The following CHD7 variants were observed in gnomAD, a reference collection of about 807,000 sequenced individuals.
The protein encoded by CHD7 is ATP-dependent chromatin remodeler CHD7.
In CHD7, 24 loss-of-function variants were observed where a neutral mutation model predicts 307.3. The observed-to-expected ratio is 0.08, with a 90% CI of 0.06 to 0.11. The LOEUF is 0.11. CHD7 is among the 10% of genes least tolerant of loss of function. The pLI is 1.00. For synonymous variants in CHD7, 1,363 were observed against 1,349.9 expected (o/e 1.01, Z -0.21); for missense variants, 3,106 against 3,727.1 (o/e 0.83, Z 4.34).
Position 60,854,358 on chromosome 8 carries a change from C to T in CHD7, c.6776-5C>T. ...GTGAGTAATGCACATTAACTCATTTCTCAGCAGGAGCTGTCTCTAGAGGGA... is the reference window on the plus strand; with the variant it reads ...GTGAGTAATGCACATTAACTCATTTTTCAGCAGGAGCTGTCTCTAGAGGGA... On this transcript the variant is annotated splice_region_variant and splice_polypyrimidine_tract_variant and intron_variant, in intron 31 of 37. Coordinates refer to ENST00000423902, the MANE Select transcript of CHD7 (RefSeq NM_017780.4). The T allele has an allele frequency of 1.2e-6, 2 of 1,612,690 alleles. No homozygotes were observed. The highest frequency in any genetic ancestry group is 2.7e-5 in the African/African-American group (2 of 75,042).
At chr8:60,835,500 T>C (rs954181705) in intron 15 of CHD7, among the ~76,000 whole-genome samples, 6 of 152,242 alleles carry the variant, frequency 3.9e-5, no homozygotes, top group Admixed American at 1.3e-4. Context: ...ACAATAGTTG[T>C]ATGCTTAGGT....
Position 60,687,678 on chromosome 8 carries a change from T to C in CHD7, c.-175+8596T>C, listed in dbSNP as rs369261155. On this transcript the variant is annotated intron_variant, in intron 1 of 37. Coordinates refer to ENST00000423902, the MANE Select transcript of CHD7 (RefSeq NM_017780.4). ...CATAATGACCGGCTGTTATTTCCAG[T>C]TGGGTAGTTACTCAGCTGAGTGTTG... Among the ~76,000 whole-genome samples, 15 of 152,326 alleles carry C rather than the reference T, an allele frequency of 9.8e-5. No homozygotes were observed. The East Asian group carries it at 2.9e-3, about 29-fold the overall frequency.
intron 1 of CHD7, among the ~76,000 whole-genome samples, chr8:60,680,059 T>G (rs902440093): frequency 1.3e-5 from 2 of 151,116 alleles, no homozygotes; most frequent in East Asian, 4.0e-4. Flanking sequence ...CGGCGGCAGC[T>G]GCATAATAGC....
At chr8:60,827,157 G>A (rs1804287221) in intron 13 of CHD7, among the ~76,000 whole-genome samples, 2 of 151,994 alleles carry the variant, frequency 1.3e-5, no homozygotes, top group South Asian at 4.1e-4. Flanking sequence ...TAGATGACGA[G>A]TTAGTGGGTG....
chr8:60,838,614 C>T (rs1011828961), intron 19 of CHD7, among the ~76,000 whole-genome samples: 2 of 152,244 alleles, frequency 1.3e-5, no homozygotes, highest in African/African-American at 4.8e-5. Flanking sequence ...GATCAAGTCA[C>T]TCCTTTAAAA....
In CHD7 at chr8:60,831,402, G is replaced by A. The variant is rs924237404; in HGVS notation, c.3778+825G>A. Reference sequence around the variant, plus strand: ...GCTGAAGTAACGATACAAGCAAAGAGAGGGGGTCAGGAAAACAATGAGGAA... The same window carrying A: ...GCTGAAGTAACGATACAAGCAAAGAAAGGGGGTCAGGAAAACAATGAGGAA... On this transcript the variant is annotated intron_variant, in intron 15 of 37. Transcript: ENST00000423902. 8.5e-5 allele frequency among the ~76,000 whole-genome samples: 13 copies of A among 152,138 alleles called. No homozygotes were observed. The East Asian group carries it at 2.3e-3, about 27-fold the overall frequency.
chr8:60,771,630 CTGTAG>C (rs1193132378), intron 2 of CHD7, among the ~76,000 whole-genome samples: 1 of 152,070 alleles, frequency 6.6e-6, no homozygotes, highest in East Asian at 1.9e-4. Context: ...CCTCACAAGG[CTGTAG>C]TCAGACGTCA....
chr8:60,785,645 A>T (rs1420248067), intron 3 of CHD7, among the ~76,000 whole-genome samples: 2 of 152,204 alleles, frequency 1.3e-5, no homozygotes, highest in Non-Finnish European at 2.9e-5. Flanking sequence ...TATTTTTATA[A>T]ACTAATACAT....
chr8:60,836,105 G>A lies in CHD7; in HGVS notation c.3811G>A (p.Glu1271Lys). The change falls in exon 16 of 38, where the codon GAA (glutamate) becomes AAA (lysine). Residue 1271 changes from glutamate (E) to lysine (K), a missense_variant. Glu to Lys is a moderately conservative substitution (Grantham distance 56). Coordinates refer to ENST00000423902, the MANE Select transcript of CHD7 (RefSeq NM_017780.4). ...AEEKILEEFK[E>K]THNAESPDFQ... ...AGAGAAAATTTTGGAAGAGTTTAAAGAAACACACAATGCAGAGTCTCCAGA... is the reference window on the plus strand; with the variant it reads ...AGAGAAAATTTTGGAAGAGTTTAAAAAAACACACAATGCAGAGTCTCCAGA... The A allele has an allele frequency of 6.2e-7, 1 of 1,612,742 alleles. No homozygotes were observed. The highest frequency in any genetic ancestry group is 8.5e-7 in the Non-Finnish European group (1 of 1,179,450).
chr8:60,742,514 T>A lies in CHD7; in HGVS notation c.1082T>A (p.Leu361Gln). Residue 361 changes from leucine (L) to glutamine (Q), a missense_variant, in exon 2 of 38, where the codon CTA becomes CAA. Transcript: ENST00000423902. ...VGFPSNSGQGLMHQQPIHPSG... is the reference protein window; with the variant it reads ...VGFPSNSGQGQMHQQPIHPSG... Reference sequence around the variant, plus strand: ...TTCCCATCAAACAGTGGTCAAGGACTAATGCACCAGCAGCCCATCCACCCC... The same window carrying A: ...TTCCCATCAAACAGTGGTCAAGGACAAATGCACCAGCAGCCCATCCACCCC... 1 of 1,614,032 alleles carries A rather than the reference T, an allele frequency of 6.2e-7. No individual in the cohort carries two copies. The highest frequency in any genetic ancestry group is 1.1e-5 in the South Asian group (1 of 91,084).
At chr8:60,749,887 G>A (rs1809544177) in intron 2 of CHD7, among the ~76,000 whole-genome samples, 1 of 152,188 alleles carries the variant, frequency 6.6e-6, no homozygotes, top group African/African-American at 2.4e-5. Flanking sequence ...GACTCTTAAA[G>A]TATTTCTTTT....
At chr8:60,691,912 A>T (rs1396447261) in intron 1 of CHD7, among the ~76,000 whole-genome samples, 2 of 152,136 alleles carry the variant, frequency 1.3e-5, no homozygotes, top group Non-Finnish European at 2.9e-5. Context: ...TTAGAATTAG[A>T]CAGTCGCTTA....
chr8:60,756,877 C>T (rs530910160), intron 2 of CHD7, among the ~76,000 whole-genome samples: 1 of 152,226 alleles, frequency 6.6e-6, no homozygotes, highest in South Asian at 2.1e-4. Flanking sequence ...ATATTAAATG[C>T]CATTGAAGTG....
chr8:60,830,643 C>G (rs1003021306), intron 15 of CHD7, 66 bp downstream of exon 15: 8 of 1,555,354 alleles, frequency 5.1e-6, no homozygotes, highest in Non-Finnish European at 6.1e-6. Flanking sequence ...CCTTTCTGCC[C>G]CCAGACTGGG....
At chr8:60,798,118 C>CA (rs1742725805) in intron 4 of CHD7, among the ~76,000 whole-genome samples, 1 of 152,202 alleles carries the variant, frequency 6.6e-6, no homozygotes, top group Non-Finnish European at 1.5e-5. Context: ...CAAGTTCAAA[C>CA]AAGAGCACTT....
chr8:60,760,188 C>A (rs578153096), intron 2 of CHD7, among the ~76,000 whole-genome samples: 2 of 152,188 alleles, frequency 1.3e-5, no homozygotes. Context: ...TAAGATGGTC[C>A]TAGGAGTTGG....
intron 1 of CHD7, among the ~76,000 whole-genome samples, chr8:60,720,185 A>G (rs1807827501): frequency 6.6e-6 from 1 of 152,098 alleles, no homozygotes. Flanking sequence ...AACTTCACTT[A>G]TCTGTCCTCT....
intron 1 of CHD7, among the ~76,000 whole-genome samples, chr8:60,719,041 A>G (rs1483286335): frequency 6.6e-6 from 1 of 152,216 alleles, no homozygotes; most frequent in Non-Finnish European, 1.5e-5. Context: ...GGTTTGTGTA[A>G]GTGCACTCTG....
intron 4 of CHD7, among the ~76,000 whole-genome samples, chr8:60,795,841 C>T (rs1812002714): frequency 6.6e-6 from 1 of 152,138 alleles, no homozygotes; most frequent in African/African-American, 2.4e-5. Flanking sequence ...GGAAGCATGC[C>T]AGTGTGGTCC....
Sources: allele counts gnomAD v4.1 joint callset (sites outside exome capture counted in the v4.1 genomes callset), GRCh38; gene constraint gnomAD v4.1.1; transcripts MANE v1.5; gene names NCBI Gene and HGNC (gene_info 2026-07-23, HGNC 2026-07-21).